CCNY: variants seen among roughly 807,000 people sequenced by gnomAD.
CCNY encodes cyclin Y, also known as cyclin-Y.
A neutral mutation model predicts 42.8 loss-of-function variants in CCNY; 19 were observed. The ratio of observed to expected loss-of-function variants is 0.44; its 90% confidence interval spans 0.31 to 0.65. The LOEUF is 0.65. CCNY is among the 30% of genes least tolerant of loss of function. CCNY has a pLI of 0.07. For synonymous variants in CCNY, 165 were observed against 162.7 expected, an observed-to-expected ratio of 1.01 and a Z score of -0.11; for missense variants, 370 against 437.3, an observed-to-expected ratio of 0.85 and a Z score of 1.37.
intron 1 of CCNY, among the ~76,000 whole-genome samples, chr10:35,464,394 T>G (rs1280819335): frequency 6.6e-6 from 1 of 152,178 alleles, no homozygotes; most frequent in Non-Finnish European, 1.5e-5. Flanking sequence ...TGGGCTCATT[T>G]TTTTCACCAG....
At position 35,337,038 on chromosome 10, in the gene CCNY, C is replaced by T; in HGVS notation, c.-16C>T. 1.9e-6 allele frequency: 3 copies of T among 1,549,966 alleles called. No homozygotes were observed. The highest frequency in any genetic ancestry group is 2.6e-6 in the Non-Finnish European group (3 of 1,147,676). On this transcript the variant is annotated 5_prime_UTR_variant, in exon 1 of 10. Transcript: ENST00000374704. Reference sequence around the variant, plus strand: ...GGGAGAACAGGATAGCAGCAGGAGTCGGGGGGCCGCCGAAGATGGGGAACA... The same window carrying T: ...GGGAGAACAGGATAGCAGCAGGAGTTGGGGGGCCGCCGAAGATGGGGAACA...
intron 2 of CCNY, among the ~76,000 whole-genome samples, chr10:35,486,756 G>A (rs998967079): frequency 2.6e-5 from 4 of 152,110 alleles, no homozygotes; most frequent in Admixed American, 6.5e-5. Flanking sequence ...CTGTGCTTCC[G>A]CCATACATAC....
intron 1 of CCNY, among the ~76,000 whole-genome samples, chr10:35,403,232 A>G (rs1252459525): frequency 1.3e-5 from 2 of 152,190 alleles, no homozygotes; most frequent in Non-Finnish European, 2.9e-5. Context: ...CGGAAAGGAA[A>G]TGAGAGGTTC....
chr10:35,530,791 G>C lies in CCNY; in HGVS notation c.579+548G>C, dbSNP rs1840748541. On this transcript the variant is annotated intron_variant, in intron 7 of 9. Transcript: ENST00000374704. The surrounding 1 kb of genome is among the most constrained non-coding windows in gnomAD (Gnocchi z 4.3). ...GAAAAAATAAAAATTTGTTTTTACAGCTGGGCTCCATGGCTCACGTCAGTA... is the reference window on the plus strand; with the variant it reads ...GAAAAAATAAAAATTTGTTTTTACACCTGGGCTCCATGGCTCACGTCAGTA... Among the ~76,000 whole-genome samples the C allele has an allele frequency of 6.6e-6, 1 of 152,216 alleles. No homozygotes were observed. The highest frequency in any genetic ancestry group is 1.5e-5 in the Non-Finnish European group (1 of 68,044).
intron 3 of CCNY, among the ~76,000 whole-genome samples, chr10:35,311,793 C>T (rs1487824891): frequency 2.0e-5 from 3 of 151,556 alleles, no homozygotes; most frequent in African/African-American, 7.3e-5. Context: ...CAAAACCAGC[C>T]TGGGCAAGGT....
At chr10:35,564,681 C>T (rs1469714716) in intron 8 of CCNY, among the ~76,000 whole-genome samples, 2 of 152,308 alleles carry the variant, frequency 1.3e-5, no homozygotes, top group South Asian at 4.1e-4. Context: ...GCTTCACTCA[C>T]AGGAAATGGT....
At chr10:35,504,883 C>T (rs553151690) in intron 3 of CCNY, among the ~76,000 whole-genome samples, 1 of 152,258 alleles carries the variant, frequency 6.6e-6, no homozygotes, top group East Asian at 1.9e-4. Flanking sequence ...GTGATCCACC[C>T]GCCTTAGCTT....
intron 8 of CCNY, among the ~76,000 whole-genome samples, chr10:35,554,104 A>G (rs1032186095): frequency 2.0e-5 from 3 of 152,164 alleles, no homozygotes; most frequent in African/African-American, 7.2e-5. Flanking sequence ...CTACACCCAC[A>G]TCCCTGCCCC....
At chr10:35,440,211 G>T (rs1838635714) in intron 1 of CCNY, among the ~76,000 whole-genome samples, 1 of 152,202 alleles carries the variant, frequency 6.6e-6, no homozygotes, top group Non-Finnish European at 1.5e-5. Flanking sequence ...GAGAGAGCAG[G>T]TGTTCTTTGG....
intron 3 of CCNY, among the ~76,000 whole-genome samples, chr10:35,503,160 A>C (rs1840145427): frequency 6.6e-6 from 1 of 152,000 alleles, no homozygotes; most frequent in Non-Finnish European, 1.5e-5. Flanking sequence ...CCTGCCACAC[A>C]CTTGAGAACA....
chr10:35,553,082 A>G lies in CCNY; in HGVS notation c.643A>G (p.Ile215Val). 6.2e-7 allele frequency: 1 copy of G among 1,614,112 alleles called. No homozygotes were observed. The highest frequency in any genetic ancestry group is 8.5e-7 in the Non-Finnish European group (1 of 1,180,002). The stretch of plus-strand genomic sequence containing the variant: ...TATCTGTCCGGCCAACTGGAAGCGG[A>G]TTGTTTTAGGGGCGATCCTGCTGGC... ...IDICPANWKR[I>V]VLGAILLASK... Residue 215 changes from isoleucine (I) to valine (V), a missense_variant, in exon 8 of 10, where the codon ATT (isoleucine) becomes GTT (valine). Physicochemically the swap from Ile to Val is conservative, Grantham distance 29 (BLOSUM62 3). Transcript: ENST00000374704.
chr10:35,485,332 A>G (rs1441574563), intron 2 of CCNY, among the ~76,000 whole-genome samples: 2 of 152,202 alleles, frequency 1.3e-5, no homozygotes, highest in Admixed American at 1.3e-4. Context: ...CTTTTTAAAA[A>G]CTTTTTGGCC....
Position 35,553,130 on chromosome 10 carries a change from G to A in CCNY, c.691G>A (p.Ala231Thr). 2 of 1,614,230 alleles carry A rather than the reference G, an allele frequency of 1.2e-6. No individual in the cohort carries two copies. The highest frequency in any genetic ancestry group is 1.7e-6 in the Non-Finnish European group (2 of 1,180,042). Residue 231 changes from alanine (A) to threonine (T), a missense_variant, in exon 8 of 10, where the codon GCT becomes ACT. Ala to Thr is a moderately conservative substitution (Grantham distance 58). Transcript: ENST00000374704. ...GGCCTCCAAGGTGTGGGATGACCAG[G>A]CTGTATGGAATGTGGATTACTGCCA... ...LLASKVWDDQ[A>T]VWNVDYCQIL...
rs1328612989 is a variant in CCNY, at chr10:35,349,788, C to G, written c.154+12581C>G. ...GCTGCAGCAACAGCACCCTCCATAA[C>G]AACAACAAAAAAATGTTTCCAGATG... On this transcript the variant is annotated intron_variant, in intron 1 of 9. Transcript: ENST00000374704. Among the ~76,000 whole-genome samples the G allele has an allele frequency of 2.0e-5, 3 of 152,200 alleles. No individual in the cohort carries two copies. The East Asian group carries it at 5.8e-4, about 29-fold the overall frequency.
chr10:35,355,449 G>T (rs1283179726), intron 1 of CCNY, among the ~76,000 whole-genome samples: 1 of 151,746 alleles, frequency 6.6e-6, no homozygotes, highest in Non-Finnish European at 1.5e-5. Flanking sequence ...AGGCAGAGGC[G>T]GGTGGATCAC....
chr10:35,383,997 A>G (rs566965873), intron 1 of CCNY, among the ~76,000 whole-genome samples: 5 of 152,156 alleles, frequency 3.3e-5, no homozygotes, highest in African/African-American at 2.4e-5. Flanking sequence ...AAACTTAACT[A>G]TGAAATGTTC....
chr10:35,546,485 G>C (rs921544512), intron 7 of CCNY, among the ~76,000 whole-genome samples: 5 of 152,216 alleles, frequency 3.3e-5, no homozygotes, highest in African/African-American at 9.6e-5. Flanking sequence ...AGCAATGGTC[G>C]TGGGATATTG....
intron 3 of CCNY, among the ~76,000 whole-genome samples, chr10:35,328,170 A>T (rs965287414): frequency 5.3e-5 from 8 of 152,176 alleles, no homozygotes; most frequent in Admixed American, 6.5e-5. Flanking sequence ...CGGGCATTGA[A>T]GGTGTTATCA....
chr10:35,401,467 GC>G (rs1396864796), intron 1 of CCNY, among the ~76,000 whole-genome samples: 2 of 151,532 alleles, frequency 1.3e-5, no homozygotes, highest in Non-Finnish European at 2.9e-5. Context: ...AATTTATTTT[GC>G]CAGGAGAGAG....
Sources: gnomAD v4.1 joint callset for allele counts (sites outside exome capture counted in the v4.1 genomes callset) on GRCh38, gnomAD v4.1.1 for gene constraint, Gnocchi (gnomAD v3.1) non-coding constraint, MANE v1.5 for transcripts, NCBI Gene and HGNC (gene_info 2026-07-23, HGNC 2026-07-21) for gene names.